KANSL1: variants seen among roughly 807,000 people sequenced by gnomAD.
KANSL1 encodes the protein KAT8 regulatory NSL complex subunit 1.
KANSL1 carries 22 observed loss-of-function variants against 103.6 expected under a neutral mutation model. The observed-to-expected ratio is 0.21, with a 90% CI of 0.15 to 0.30. The LOEUF (loss-of-function observed/expected upper bound fraction) is 0.30, where lower values mean the gene tolerates loss of function less well. KANSL1 is among the 10% of genes least tolerant of loss of function. The probability of loss-of-function intolerance (pLI) is 1.00; values close to 1 mark genes in which losing one functional copy is unlikely to be tolerated. For missense variants in KANSL1, 1,337 were observed against 1,399.8 expected (o/e 0.96, Z 0.72); for synonymous variants, 600 against 527.6 (o/e 1.14, Z -1.88).
Position 46,191,115 on chromosome 17 carries a change from T to C in KANSL1, c.-90+1708A>G, listed in dbSNP as rs187825812. On this transcript the variant is annotated intron_variant, in intron 1 of 14. Coordinates refer to ENST00000432791, the MANE Select transcript of KANSL1 (RefSeq NM_015443.4). The stretch of plus-strand genomic sequence containing the variant: ...TAACCTATGTAGAAAAAACCAGAAA[T>C]GTACTTCGTATTTTATAAAATAGGA... Among the ~76,000 whole-genome samples the C allele has an allele frequency of 2.0e-5, 3 of 152,286 alleles. No homozygotes were observed. The East Asian group carries it at 5.8e-4, about 29-fold the overall frequency.
chr17:46,125,468 G>A (rs990166608), intron 2 of KANSL1, among the ~76,000 whole-genome samples: 2 of 152,110 alleles, frequency 1.3e-5, no homozygotes, highest in African/African-American at 2.4e-5. Flanking sequence ...TGATATCTCT[G>A]AGGTATGGCT....
upstream of KANSL1, among the ~76,000 whole-genome samples, chr17:46,197,070 C>T (rs569283708): frequency 5.3e-5 from 8 of 152,130 alleles, no homozygotes; most frequent in Admixed American, 1.3e-4. Context: ...ACCATGATCA[C>T]GCCACTGCAA....
chr17:46,200,170 TAGA>T (rs1313837909), intron 1 of KANSL1, among the ~76,000 whole-genome samples: 4 of 152,190 alleles, frequency 2.6e-5, no homozygotes, highest in Non-Finnish European at 5.9e-5. Flanking sequence ...TGACCAAACA[TAGA>T]AGGAGTATTC....
intron 2 of KANSL1, among the ~76,000 whole-genome samples, chr17:46,106,583 G>A (rs934434118): frequency 1.3e-5 from 2 of 152,038 alleles, no homozygotes; most frequent in South Asian, 2.1e-4. Flanking sequence ...AGTAGAGACG[G>A]GGTTTCACCA....
intron 4 of KANSL1, 32 bp downstream of exon 4, chr17:46,082,409 C>T (rs769902999): frequency 2.1e-5 from 29 of 1,408,178 alleles, no homozygotes; most frequent in African/African-American, 1.1e-4. Flanking sequence ...TTAATTCTCA[C>T]GCATTTCCCC....
At chr17:46,123,102 C>T (rs1422509431) in intron 2 of KANSL1, among the ~76,000 whole-genome samples, 3 of 152,210 alleles carry the variant, frequency 2.0e-5, no homozygotes, top group African/African-American at 7.2e-5. Flanking sequence ...AGAGACGGGG[C>T]GCAGTGGCTC....
intron 1 of KANSL1, among the ~76,000 whole-genome samples, chr17:46,189,406 G>C (rs887483472): frequency 3.3e-5 from 5 of 152,028 alleles, no homozygotes; most frequent in Admixed American, 6.6e-5. Flanking sequence ...CATCTATCTA[G>C]CAAGAAAGTC....
intron 1 of KANSL1, among the ~76,000 whole-genome samples, chr17:46,185,468 C>T (rs536890237): frequency 8.7e-4 from 133 of 152,156 alleles, no homozygotes; most frequent in Middle Eastern, 6.8e-3. Flanking sequence ...AGGTAATAGC[C>T]ATCAAAATCA....
At chr17:46,107,559 C>T (rs1445632304) in intron 2 of KANSL1, among the ~76,000 whole-genome samples, 3 of 152,160 alleles carry the variant, frequency 2.0e-5, no homozygotes, top group Admixed American at 1.3e-4. Context: ...ACTGCATATG[C>T]GAAATCACTA....
chr17:46,174,822 T>C (rs1286569322), intron 1 of KANSL1, among the ~76,000 whole-genome samples: 1 of 152,216 alleles, frequency 6.6e-6, no homozygotes, highest in Non-Finnish European at 1.5e-5. Flanking sequence ...TATAGGTGTG[T>C]GCCACCATGC....
intron 2 of KANSL1, among the ~76,000 whole-genome samples, chr17:46,166,192 C>A (rs1340689904): frequency 1.5e-5 from 2 of 133,924 alleles, no homozygotes; most frequent in Admixed American, 1.8e-4. Context: ...CTAGCCTGGG[C>A]GACAGAGTGA....
intron 4 of KANSL1, among the ~76,000 whole-genome samples, chr17:46,068,275 A>ACACACAGGC (rs1456825419): frequency 6.6e-6 from 1 of 152,124 alleles, no homozygotes; most frequent in Non-Finnish European, 1.5e-5. Flanking sequence ...TTAAAAATAT[A>ACACACAGGC]CACACAGGCC....
chr17:46,083,579 CCCCACCCCG>C (rs2079057150), intron 3 of KANSL1, among the ~76,000 whole-genome samples: 2 of 151,996 alleles, frequency 1.3e-5, no homozygotes, highest in African/African-American at 2.4e-5. Flanking sequence ...CTCTCTCCTC[CCCCACCCCG>C]CCAACCCCAC....
At position 46,120,561 on chromosome 17, in the gene KANSL1, A is replaced by G. The variant is rs73984692; in HGVS notation, c.1290-25860T>C. ...GTCACTAAATAAAAGACAGACCCCC[A>G]GAAATGACCTCAACAATCAAAGAAA... is the stretch of plus-strand genomic sequence containing the variant. On this transcript the variant is annotated intron_variant, in intron 2 of 14. Coordinates refer to ENST00000432791, the MANE Select transcript of KANSL1 (RefSeq NM_015443.4). Among the ~76,000 whole-genome samples, 694 of 152,342 alleles carry G rather than the reference A, an allele frequency of 4.6e-3. 9 individuals are homozygous for G. The highest frequency in any genetic ancestry group is 0.016 in the African/African-American group (653 of 41,570).
At chr17:46,077,705 C>G (rs1327000089) in intron 4 of KANSL1, among the ~76,000 whole-genome samples, 1 of 152,024 alleles carries the variant, frequency 6.6e-6, no homozygotes, top group Non-Finnish European at 1.5e-5. Flanking sequence ...TTACAGGTGT[C>G]TGCCACCACG....
At chr17:46,063,374 T>C (rs2078249695) in intron 6 of KANSL1, among the ~76,000 whole-genome samples, 1 of 152,218 alleles carries the variant, frequency 6.6e-6, no homozygotes, top group African/African-American at 2.4e-5. Context: ...TAAATCTGTC[T>C]GGAAAACCGA....
At chr17:46,104,455 T>C (rs1191329331) in intron 2 of KANSL1, among the ~76,000 whole-genome samples, 1 of 152,366 alleles carries the variant, frequency 6.6e-6, no homozygotes, top group East Asian at 1.9e-4. Flanking sequence ...TTGTATGTGC[T>C]ATTATTTCCA....
intron 6 of KANSL1, 68 bp from the exon 7 acceptor site, chr17:46,050,772 CCCCATTTGTTATT>C: frequency 6.9e-7 from 1 of 1,445,222 alleles, no homozygotes; most frequent in Non-Finnish European, 9.5e-7. Flanking sequence ...CATTTGTTAT[CCCCATTTGTTATT>C]GAGAAGTTAG....
intron 1 of KANSL1, among the ~76,000 whole-genome samples, chr17:46,176,791 G>A (rs2046541275): frequency 6.6e-6 from 1 of 151,740 alleles, no homozygotes; most frequent in Admixed American, 6.6e-5. Context: ...TAGTTTATTT[G>A]ATTTGCACTT....
Sources: allele counts gnomAD v4.1 joint callset (sites outside exome capture counted in the v4.1 genomes callset), GRCh38; gene constraint gnomAD v4.1.1; transcripts MANE v1.5; gene names NCBI Gene and HGNC (gene_info 2026-07-23, HGNC 2026-07-21).